BBS9: variants seen among roughly 807,000 people sequenced by gnomAD.
BBS9 encodes the protein Bardet-Biedl syndrome 9.
A neutral mutation model predicts 117.7 loss-of-function variants in BBS9; 89 were observed. The ratio of observed to expected loss-of-function variants is 0.76; its 90% CI spans 0.64 to 0.90. The LOEUF (loss-of-function observed/expected upper bound fraction) is 0.90, where lower values mean the gene tolerates loss of function less well. Among genes scored for constraint, BBS9 ranks in the 40% least tolerant of loss-of-function variants. The probability of loss-of-function intolerance (pLI) is 0.00; values close to 1 mark genes in which losing one functional copy is unlikely to be tolerated. For missense variants in BBS9, 982 were observed against 1,042.2 expected, an observed-to-expected ratio of 0.94 and a Z score of 0.80; for synonymous variants, 379 against 370.9, an observed-to-expected ratio of 1.02 and a Z score of -0.25.
chr7:33,407,668 T>G (rs1830288657), intron 19 of BBS9, among the ~76,000 whole-genome samples: 1 of 152,254 alleles, frequency 6.6e-6, no homozygotes, highest in Non-Finnish European at 1.5e-5. Flanking sequence ...GACCCTCAGC[T>G]GCAGGTCTGT....
chr7:33,383,983 ATT>A, intron 18 of BBS9, 145 bp downstream of exon 18: 4 of 858,066 alleles, frequency 4.7e-6, no homozygotes, highest in Non-Finnish European at 7.1e-6. Context: ...TCGTGAATCC[ATT>A]CCTGCCCACT....
chr7:33,499,374 T>C (rs943316399), intron 19 of BBS9, among the ~76,000 whole-genome samples: 2 of 152,206 alleles, frequency 1.3e-5, no homozygotes, highest in Admixed American at 1.3e-4. Context: ...TCTGTCTCCT[T>C]GGTTCCCAGG....
At chr7:33,228,804 A>C (rs1051594845) in intron 5 of BBS9, among the ~76,000 whole-genome samples, 4 of 151,958 alleles carry the variant, frequency 2.6e-5, no homozygotes, top group African/African-American at 9.7e-5. Flanking sequence ...TAGGCTGGGG[A>C]GGAGGAGAAA....
chr7:33,548,877 A>G (rs1853878845), intron 21 of BBS9, among the ~76,000 whole-genome samples: 1 of 150,674 alleles, frequency 6.6e-6, no homozygotes, highest in South Asian at 2.1e-4. Flanking sequence ...ATTCAATGCC[A>G]TCCCCATCAA....
At chr7:33,269,238 C>T (rs202143666) in intron 7 of BBS9, among the ~76,000 whole-genome samples, 1 of 152,178 alleles carries the variant, frequency 6.6e-6, no homozygotes, top group African/African-American at 2.4e-5. Flanking sequence ...TTTAATGTGA[C>T]TTTTCATGAT....
At chr7:33,146,019 A>G (rs577665797) in intron 1 of BBS9, among the ~76,000 whole-genome samples, 49 of 152,354 alleles carry the variant, frequency 3.2e-4, no homozygotes, top group Middle Eastern at 3.4e-3. Flanking sequence ...TTAGCACAAC[A>G]TAAATGTATA....
At chr7:33,601,570 A>C (rs2129200715) in intron 21 of BBS9, among the ~76,000 whole-genome samples, 1 of 152,226 alleles carries the variant, frequency 6.6e-6, no homozygotes, top group African/African-American at 2.4e-5. Flanking sequence ...GTTTCTTAGC[A>C]GATGTCAATT....
At chr7:33,594,355 A>G (rs1862394332) in intron 21 of BBS9, among the ~76,000 whole-genome samples, 1 of 152,100 alleles carries the variant, frequency 6.6e-6, no homozygotes, top group Non-Finnish European at 1.5e-5. Flanking sequence ...GGGGCATCCT[A>G]TTGGACACAC....
intron 17 of BBS9, among the ~76,000 whole-genome samples, chr7:33,373,370 T>C (rs1584538679): frequency 6.6e-6 from 1 of 152,274 alleles, no homozygotes; most frequent in East Asian, 1.9e-4. Context: ...TCTTGCTAAG[T>C]TGATAATCTG....
At chr7:33,485,516 A>T (rs563911668) in intron 19 of BBS9, among the ~76,000 whole-genome samples, 53 of 152,022 alleles carry the variant, frequency 3.5e-4, no homozygotes, top group Admixed American at 2.3e-3. Flanking sequence ...TCACCGTGTT[A>T]GCCAGGATGG....
intron 20 of BBS9, among the ~76,000 whole-genome samples, chr7:33,519,696 C>T (rs981984566): frequency 6.6e-5 from 10 of 152,082 alleles, no homozygotes; most frequent in African/African-American, 2.4e-4. Context: ...CATGAATCTT[C>T]TAGGGGAAGA....
chr7:33,170,704 C>T (rs927447735), intron 4 of BBS9, among the ~76,000 whole-genome samples: 5 of 148,414 alleles, frequency 3.4e-5, no homozygotes, highest in African/African-American at 1.2e-4. Context: ...CTAGAAAACC[C>T]CATTGTCTCA....
rs1013668353 is a variant in BBS9 at position 33,489,796 on chromosome 7, C to T, written c.2116-15667C>T. 2.6e-4 allele frequency among the ~76,000 whole-genome samples: 40 copies of T among 152,266 alleles called. 1 individual carries two copies. Among genetic ancestry groups the T allele is most frequent in the African/African-American group, 8.7e-4 (36 of 41,546 alleles). ...CGTGCTATTGTGTGATATTTCCTATCACTCATGAACGCTTCCACTATGAAG... is the reference window on the plus strand; with the variant it reads ...CGTGCTATTGTGTGATATTTCCTATTACTCATGAACGCTTCCACTATGAAG... On this transcript the variant is annotated intron_variant, in intron 19 of 22. Coordinates refer to ENST00000242067, the MANE Select transcript of BBS9 (RefSeq NM_198428.3).
At chr7:33,498,954 G>A (rs1394865771) in intron 19 of BBS9, among the ~76,000 whole-genome samples, 1 of 152,134 alleles carries the variant, frequency 6.6e-6, no homozygotes, top group African/African-American at 2.4e-5. Flanking sequence ...TAACACAGCA[G>A]CTGTACTGTA....
chr7:33,598,688 C>T (rs1228129744), intron 21 of BBS9, among the ~76,000 whole-genome samples: 7 of 152,188 alleles, frequency 4.6e-5, no homozygotes, highest in South Asian at 2.1e-4. Context: ...ATTTTTTTAC[C>T]GTTACCCAAC....
chr7:33,585,477 A>G (rs543462985), intron 21 of BBS9, among the ~76,000 whole-genome samples: 345 of 152,214 alleles, frequency 2.3e-3, no homozygotes, highest in African/African-American at 8.0e-3. Flanking sequence ...CATATAACAG[A>G]TTTGAATTCA....
At chr7:33,445,786 A>G (rs1257675485) in intron 19 of BBS9, among the ~76,000 whole-genome samples, 1 of 152,128 alleles carries the variant, frequency 6.6e-6, no homozygotes, top group African/African-American at 2.4e-5. Flanking sequence ...GTAAGTTCTC[A>G]TGAAATCTGG....
At chr7:33,288,898 A>G (rs1803439623) in intron 9 of BBS9, among the ~76,000 whole-genome samples, 1 of 152,216 alleles carries the variant, frequency 6.6e-6, no homozygotes, top group African/African-American at 2.4e-5. Flanking sequence ...GATGTAACTG[A>G]GGCATAGAGA....
intron 19 of BBS9, among the ~76,000 whole-genome samples, chr7:33,465,797 A>G (rs1840077627): frequency 6.6e-6 from 1 of 152,182 alleles, no homozygotes; most frequent in African/African-American, 2.4e-5. Flanking sequence ...AATAAATGTC[A>G]GCTGCTATCA....
Sources: allele counts gnomAD v4.1 joint callset (sites outside exome capture counted in the v4.1 genomes callset), GRCh38; gene constraint gnomAD v4.1.1; transcripts MANE v1.5; gene names NCBI Gene and HGNC (gene_info 2026-07-23, HGNC 2026-07-21).